The following C10orf67 variants were observed in gnomAD, a reference collection of about 807,000 sequenced individuals.
The protein encoded by C10orf67 is uncharacterized protein C10orf67, mitochondrial.
C10orf67 carries 60 observed loss-of-function variants against 35.6 expected under a neutral mutation model. The observed-to-expected ratio is 1.68, with a 90% CI of 1.37 to 2.09. The LOEUF is 2.09. Among genes scored for constraint, C10orf67 ranks in the 30% most tolerant of loss-of-function variants. The probability of loss-of-function intolerance (pLI) is 0.00; values close to 1 mark genes in which losing one functional copy is unlikely to be tolerated. For synonymous variants in C10orf67, 167 were observed against 115.8 expected, an observed-to-expected ratio of 1.44 and a Z score of -2.84; for missense variants, 474 against 330.2, an observed-to-expected ratio of 1.44 and a Z score of -3.38.
chr10:23,267,537 C>T lies in C10orf67; in HGVS notation c.976-283G>A, dbSNP rs76344650. 5.2e-3 allele frequency among the ~76,000 whole-genome samples: 787 copies of T among 152,282 alleles called. 7 individuals are homozygous for T. The highest frequency in any genetic ancestry group is 0.018 in the African/African-American group (751 of 41,560). ...ACAACAAAGATCATAGGAAAACATGCATTATTTGCTTATGAGGTGATAATT... is the reference window on the plus strand; with the variant it reads ...ACAACAAAGATCATAGGAAAACATGTATTATTTGCTTATGAGGTGATAATT... On this transcript the variant is annotated intron_variant, in intron 8 of 15. Transcript: ENST00000636213.
chr10:23,207,988 C>A (rs760551052), intron 15 of C10orf67, among the ~76,000 whole-genome samples: 1 of 152,210 alleles, frequency 6.6e-6, no homozygotes, highest in African/African-American at 2.4e-5. Context: ...TCCCCACCCC[C>A]CTCTTTATGA....
chr10:23,300,051 G>A (rs1267574033), intron 5 of C10orf67, among the ~76,000 whole-genome samples: 1 of 151,944 alleles, frequency 6.6e-6, no homozygotes, highest in Non-Finnish European at 1.5e-5. Context: ...GCCTTCAATG[G>A]TCAAGCATAT....
At chr10:23,340,946 T>C (rs1332602057) in intron 1 of C10orf67, among the ~76,000 whole-genome samples, 1 of 152,244 alleles carries the variant, frequency 6.6e-6, no homozygotes, top group African/African-American at 2.4e-5. Flanking sequence ...TCTCACTGAA[T>C]CCTAGAATTG....
chr10:23,222,554 C>T (rs953444232), intron 15 of C10orf67, among the ~76,000 whole-genome samples: 4 of 152,052 alleles, frequency 2.6e-5, no homozygotes, highest in Admixed American at 1.3e-4. Flanking sequence ...TCCCATACTA[C>T]GTTCACTAAT....
At chr10:23,259,920 G>A (rs1178308835) in intron 10 of C10orf67, among the ~76,000 whole-genome samples, 1 of 152,136 alleles carries the variant, frequency 6.6e-6, no homozygotes, top group Non-Finnish European at 1.5e-5. Context: ...GCATGTAAGA[G>A]TTGTGGAACA....
At chr10:23,258,983 A>G (rs1842675468) in intron 10 of C10orf67, among the ~76,000 whole-genome samples, 1 of 152,240 alleles carries the variant, frequency 6.6e-6, no homozygotes, top group African/African-American at 2.4e-5. Flanking sequence ...ACTTATTTTT[A>G]AAATATCTAA....
intron 2 of C10orf67, among the ~76,000 whole-genome samples, chr10:23,329,340 C>T (rs983811456): frequency 6.6e-6 from 1 of 151,824 alleles, no homozygotes; most frequent in Non-Finnish European, 1.5e-5. Flanking sequence ...AAAATAAATA[C>T]TTTAATAGAA....
At chr10:23,227,939 G>A (rs1435275461) in intron 13 of C10orf67, among the ~76,000 whole-genome samples, 2 of 152,002 alleles carry the variant, frequency 1.3e-5, no homozygotes, top group African/African-American at 4.8e-5. Flanking sequence ...AAATCAAAGA[G>A]GACACAAACA....
At chr10:23,272,674 T>G (rs113909278) in intron 8 of C10orf67, among the ~76,000 whole-genome samples, 192 of 152,290 alleles carry the variant, frequency 1.3e-3, no homozygotes, top group African/African-American at 4.5e-3. Flanking sequence ...CCAGGTCTTG[T>G]GCATGTCTAT....
At chr10:23,313,987 C>G (rs567252598) in intron 4 of C10orf67, among the ~76,000 whole-genome samples, 1 of 127,388 alleles carries the variant, frequency 7.9e-6, no homozygotes, top group Non-Finnish European at 1.5e-5. Flanking sequence ...ACTATCGAAA[C>G]TAGTTCAGAG....
At chr10:23,212,809 GAGAGAGAGA>G (rs1841343665) in intron 15 of C10orf67, among the ~76,000 whole-genome samples, 1 of 151,444 alleles carries the variant, frequency 6.6e-6, no homozygotes, top group African/African-American at 2.4e-5. Flanking sequence ...GAGAGAGAGA[GAGAGAGAGA>G]GAGAGACGTA....
At position 23,236,174 on chromosome 10, in the gene C10orf67, G is replaced by A. The variant is rs563030200; in HGVS notation, c.1434+3555C>T. Among the ~76,000 whole-genome samples, 378 of 150,038 alleles carry A rather than the reference G, an allele frequency of 2.5e-3. 4 individuals are homozygous for A. The highest frequency in any genetic ancestry group is 4.1e-3 in the Non-Finnish European group (275 of 67,686). On this transcript the variant is annotated intron_variant, in intron 13 of 15. Transcript: ENST00000636213. The stretch of plus-strand genomic sequence containing the variant: ...TGAGGCAGGAGAATGGTGTGAACCC[G>A]GGAGGCGGAGCTTGCAGTGAGCTGA...
chr10:23,328,390 A>C (rs1255253317), intron 2 of C10orf67, among the ~76,000 whole-genome samples: 4 of 152,214 alleles, frequency 2.6e-5, no homozygotes, highest in Middle Eastern at 3.4e-3. Context: ...TTGCTTTCCT[A>C]AGATAGCTAT....
chr10:23,263,592 C>G (rs1842807931), intron 10 of C10orf67, among the ~76,000 whole-genome samples: 2 of 152,054 alleles, frequency 1.3e-5, no homozygotes, highest in African/African-American at 2.4e-5. Context: ...CTCCTATGTC[C>G]CATTTCCCAC....
At chr10:23,338,323 G>A (rs755736831) in intron 1 of C10orf67, among the ~76,000 whole-genome samples, 4 of 152,096 alleles carry the variant, frequency 2.6e-5, no homozygotes, top group Non-Finnish European at 5.9e-5. Flanking sequence ...AGGCTGGCCT[G>A]GCTACCACAG....
At chr10:23,313,073 C>T (rs1378374576) in intron 4 of C10orf67, among the ~76,000 whole-genome samples, 4 of 152,164 alleles carry the variant, frequency 2.6e-5, no homozygotes, top group Non-Finnish European at 5.9e-5. Context: ...CTGTTTTCTC[C>T]CCATCTCCCC....
intron 10 of C10orf67, among the ~76,000 whole-genome samples, chr10:23,253,664 A>T (rs192525891): frequency 7.1e-4 from 108 of 151,514 alleles, no homozygotes; most frequent in African/African-American, 2.0e-3. Context: ...ATGCTTATTT[A>T]AAAAAAAACT....
At chr10:23,328,993 C>CAAAAAAAAAAAAAAAAAGA in intron 2 of C10orf67, among the ~76,000 whole-genome samples, 1 of 78,732 alleles carries the variant, frequency 1.3e-5, no homozygotes, top group Admixed American at 1.5e-4. Context: ...CATAAACGAA[C>CAAAAAAAAAAAAAAAAAGA]AAAAAAAAAA....
intron 2 of C10orf67, among the ~76,000 whole-genome samples, chr10:23,327,777 A>T (rs1329710883): frequency 6.6e-6 from 1 of 151,550 alleles, no homozygotes; most frequent in Admixed American, 6.6e-5. Flanking sequence ...GTGAGAAGAG[A>T]TCGCACCACT....
Sources: allele counts gnomAD v4.1 joint callset (sites outside exome capture counted in the v4.1 genomes callset), GRCh38; gene constraint gnomAD v4.1.1; transcripts MANE v1.5; gene names NCBI Gene and HGNC (gene_info 2026-07-23, HGNC 2026-07-21).